Variants in ADGRB3 observed in about 807,000 individuals in gnomAD.
The protein encoded by ADGRB3 is adhesion G protein-coupled receptor B3.
Under a neutral mutation model 193.4 loss-of-function variants are expected in ADGRB3, and 37 were observed. The ratio of observed to expected loss-of-function variants is 0.19; its 90% confidence interval spans 0.15 to 0.25. The LOEUF is 0.25. Ranked by LOEUF, ADGRB3 falls within the 10% of genes least tolerant of loss-of-function variation. ADGRB3 has a pLI of 1.00. For missense variants in ADGRB3, 1,637 were observed against 1,852.9 expected, an observed-to-expected ratio of 0.88 and a Z score of 2.14; for synonymous variants, 690 against 644.2, an observed-to-expected ratio of 1.07 and a Z score of -1.08.
intron 3 of ADGRB3, among the ~76,000 whole-genome samples, chr6:68,868,370 AT>A (rs1402745890): frequency 1.3e-5 from 2 of 152,194 alleles, no homozygotes; most frequent in African/African-American, 2.4e-5. Context: ...CTCCCCAGCC[AT>A]GTAAAAGTGT....
At chr6:68,796,181 AT>A (rs1182130295) in intron 3 of ADGRB3, among the ~76,000 whole-genome samples, 1 of 152,104 alleles carries the variant, frequency 6.6e-6, no homozygotes, top group Non-Finnish European at 1.5e-5. Context: ...TATGAAAATA[AT>A]ATATATCTAT....
At chr6:69,284,928 A>G (rs540129926) in intron 20 of ADGRB3, among the ~76,000 whole-genome samples, 110 of 152,318 alleles carry the variant, frequency 7.2e-4, no homozygotes, top group Non-Finnish European at 1.3e-3. Flanking sequence ...TTTGGATTTA[A>G]CACATAAAAT....
intron 3 of ADGRB3, among the ~76,000 whole-genome samples, chr6:68,886,701 G>A (rs893649971): frequency 2.0e-5 from 3 of 151,924 alleles, no homozygotes; most frequent in Admixed American, 1.3e-4. Context: ...ATCCTTAACT[G>A]TAACATTCAA....
chr6:68,924,798 A>T (rs1767135948), intron 3 of ADGRB3, among the ~76,000 whole-genome samples: 1 of 151,990 alleles, frequency 6.6e-6, no homozygotes, highest in Non-Finnish European at 1.5e-5. Context: ...TGGGAATGGA[A>T]CCAAGAAATA....
chr6:69,331,711 G>A (rs1478694474), intron 23 of ADGRB3: 1 of 985,106 alleles, frequency 1.0e-6, no homozygotes, highest in African/African-American at 1.7e-5. Context: ...TAAGCTTCTA[G>A]GTTAATGCCA....
intron 3 of ADGRB3, among the ~76,000 whole-genome samples, chr6:68,883,227 G>T (rs937026862): frequency 6.6e-6 from 1 of 152,100 alleles, no homozygotes; most frequent in Non-Finnish European, 1.5e-5. Flanking sequence ...CTTTTGTCTA[G>T]CTAGAGGATT....
intron 3 of ADGRB3, among the ~76,000 whole-genome samples, chr6:68,880,390 T>C (rs1167952675): frequency 2.0e-5 from 3 of 152,206 alleles, no homozygotes; most frequent in Non-Finnish European, 4.4e-5. Flanking sequence ...ATAAAGGAAA[T>C]AACATGCAAG....
At chr6:69,093,160 G>T (rs993669899) in intron 17 of ADGRB3, among the ~76,000 whole-genome samples, 1 of 151,698 alleles carries the variant, frequency 6.6e-6, no homozygotes, top group East Asian at 1.9e-4. Flanking sequence ...ACGTTCAGGG[G>T]TACAAGGATG....
intron 10 of ADGRB3, among the ~76,000 whole-genome samples, chr6:68,978,657 A>G (rs1334909188): frequency 6.6e-6 from 1 of 151,548 alleles, no homozygotes; most frequent in East Asian, 1.9e-4. Flanking sequence ...TTGCTAAGTC[A>G]TGCTTTGTCT....
intron 17 of ADGRB3, among the ~76,000 whole-genome samples, chr6:69,198,787 G>A (rs577658531): frequency 6.6e-6 from 1 of 152,202 alleles, no homozygotes; most frequent in East Asian, 1.9e-4. Context: ...ATTAATAAAT[G>A]AATAAGTGTG....
intron 17 of ADGRB3, among the ~76,000 whole-genome samples, chr6:69,145,996 C>T (rs910498906): frequency 3.9e-5 from 6 of 152,158 alleles, no homozygotes; most frequent in South Asian, 2.1e-4. Context: ...CTCCAGTCCA[C>T]GGGATTACCA....
chr6:68,775,438 G>T (rs1433177000), intron 3 of ADGRB3, among the ~76,000 whole-genome samples: 1 of 152,112 alleles, frequency 6.6e-6, no homozygotes, highest in Non-Finnish European at 1.5e-5. Context: ...GAGAAGACAA[G>T]ATTAAGGCAG....
intron 3 of ADGRB3, among the ~76,000 whole-genome samples, chr6:68,899,891 A>C (rs188497442): frequency 6.6e-6 from 1 of 152,268 alleles, no homozygotes; most frequent in Non-Finnish European, 1.5e-5. Flanking sequence ...TTTTAAATAC[A>C]TAAAGAACTC....
At chr6:69,338,777 C>A in intron 24 of ADGRB3, 139 bp from the exon 25 acceptor site, 1 of 709,304 alleles carries the variant, frequency 1.4e-6, no homozygotes, top group Non-Finnish European at 2.4e-6. Context: ...TGCATCTTTA[C>A]AACAACCTAG....
In ADGRB3 at chr6:69,264,068, A is replaced by G. The variant is rs377527107; in HGVS notation, c.2814+24842A>G. 1.2e-3 allele frequency among the ~76,000 whole-genome samples: 179 copies of G among 152,128 alleles called. 2 individuals carry two copies. In the South Asian group the frequency reaches 0.03, roughly 25 times the overall value. On this transcript the variant is annotated intron_variant, in intron 20 of 31. Coordinates refer to ENST00000370598, the MANE Select transcript of ADGRB3 (RefSeq NM_001704.3). Reference sequence around the variant, plus strand: ...AGAAATGACTCATCCATAGATGGATACATGTATTGCTGTCCTTATTCACTC... The same window carrying G: ...AGAAATGACTCATCCATAGATGGATGCATGTATTGCTGTCCTTATTCACTC...
chr6:69,357,778 C>T (rs1228190718), intron 28 of ADGRB3, among the ~76,000 whole-genome samples: 1 of 151,906 alleles, frequency 6.6e-6, no homozygotes, highest in East Asian at 1.9e-4. Flanking sequence ...CTGCACTGGG[C>T]ATTAGAAATC....
Position 68,843,074 on chromosome 6 carries a change from G to C in ADGRB3, c.758-87485G>C, listed in dbSNP as rs564595838. On this transcript the variant is annotated intron_variant, in intron 3 of 31. Transcript: ENST00000370598. ...AACAAAAAAAAAAACAGGAAATGTC[G>C]TACTGAATGGGGAAAAACTGAAAGC... Among the ~76,000 whole-genome samples the C allele has an allele frequency of 4.1e-5, 6 of 145,408 alleles. No homozygotes were observed. The Admixed American group carries it at 4.1e-4, about 10-fold the overall frequency.
intron 17 of ADGRB3, among the ~76,000 whole-genome samples, chr6:69,218,568 A>G (rs1009558874): frequency 1.3e-5 from 2 of 152,174 alleles, no homozygotes; most frequent in Non-Finnish European, 2.9e-5. Flanking sequence ...CCTAAGAGAA[A>G]TCACACCTAA....
intron 17 of ADGRB3, among the ~76,000 whole-genome samples, chr6:69,179,457 G>A (rs1775522499): frequency 6.6e-6 from 1 of 152,028 alleles, no homozygotes; most frequent in Non-Finnish European, 1.5e-5. Flanking sequence ...TACAATCCTT[G>A]CTTTGAAATT....
Sources: allele counts gnomAD v4.1 joint callset (sites outside exome capture counted in the v4.1 genomes callset), GRCh38; gene constraint gnomAD v4.1.1; transcripts MANE v1.5; gene names NCBI Gene and HGNC (gene_info 2026-07-23, HGNC 2026-07-21).